Variants in ADPRHL1 observed in about 807,000 individuals in gnomAD.
ADPRHL1 encodes the protein inactive ADP-ribosyltransferase ARH2.
Under a neutral mutation model 44.1 loss-of-function variants are expected in ADPRHL1, and 43 were observed. That is an observed-to-expected ratio of 0.98 (90% CI 0.76 to 1.26). The LOEUF is 1.26. Ranked by LOEUF, ADPRHL1 falls within the 50% of genes most tolerant of loss-of-function variation. The pLI is 0.00. For missense variants in ADPRHL1, 2,022 were observed against 2,496.9 expected (o/e 0.81, Z 4.05); for synonymous variants, 878 against 1,017.4 (o/e 0.86, Z 2.61).
chr13:113,405,071 G>A lies in ADPRHL1; in HGVS notation c.4211C>T (p.Ser1404Leu), dbSNP rs960703899. Residue 1404 changes from serine to leucine, a missense_variant, in exon 8 of 8, where the codon TCG becomes TTG. Ser to Leu is a moderately radical substitution (Grantham distance 145, BLOSUM62 -2). This residue lies in a region of ADPRHL1 where 1,221 missense variants were observed against 1,517.8 expected (regional missense o/e 0.80). Transcript: ENST00000612156. ...TTTTGCTGGGTTCAGCACAACCTTCGAGCCCGACGGCGCCACCCTCTTCCC... is the reference window on the plus strand; with the variant it reads ...TTTTGCTGGGTTCAGCACAACCTTCAAGCCCGACGGCGCCACCCTCTTCCC... ...DAGKRVAPSG[S>L]KVVLNPAKEP... is the part of the protein sequence containing the mutation. The A allele has an allele frequency of 9.5e-5, 117 of 1,232,044 alleles. No homozygotes were observed. The highest frequency in any genetic ancestry group is 1.3e-4 in the Admixed American group (3 of 23,706). 76.3% of individuals were successfully genotyped at this position (1,232,044 alleles called of 1,614,324 possible). A position where few individuals can be genotyped will look rare whatever the true frequency, so the allele number is the denominator to read the frequency against.
chr13:113,437,423 G>A (rs1400710044), intron 2 of ADPRHL1, among the ~76,000 whole-genome samples: 1 of 152,198 alleles, frequency 6.6e-6, no homozygotes, highest in Non-Finnish European at 1.5e-5. Flanking sequence ...CCCAGGTGCA[G>A]AGTGAATGCC....
At position 113,407,718 on chromosome 13, in the gene ADPRHL1, C is replaced by T. The variant is rs1011219260; in HGVS notation, c.1564G>A (p.Ala522Thr). 2.4e-6 allele frequency: 3 copies of T among 1,231,974 alleles called. No individual in the cohort carries two copies. The African/African-American group carries it at 4.7e-5, about 19-fold the overall frequency. 76.3% of individuals were successfully genotyped at this position (1,231,974 alleles called of 1,614,324 possible). A position where few individuals can be genotyped will look rare whatever the true frequency, so the allele number is the denominator to read the frequency against. Reference sequence around the variant, plus strand: ...CGCTCCACAGGGGGCTTCTCGCGTGCTTCTTTCTCCTTCGCCTCCTTCTCC... The same window carrying T: ...CGCTCCACAGGGGGCTTCTCGCGTGTTTCTTTCTCCTTCGCCTCCTTCTCC... Reference protein sequence around the residue: ...AEEKEAKEKEAREKPPVERPK... With the variant: ...AEEKEAKEKETREKPPVERPK... The change falls in exon 8 of 8, where the codon GCA (alanine) becomes ACA (threonine). Residue 522 changes from alanine (A) to threonine (T), a missense_variant. Ala to Thr is a moderately conservative substitution (Grantham distance 58, BLOSUM62 0). This residue lies in a region of ADPRHL1 where 1,221 missense variants were observed against 1,517.8 expected (regional missense o/e 0.80). Coordinates refer to ENST00000612156, the MANE Select transcript of ADPRHL1 (RefSeq NM_001394807.1).
At position 113,404,566 on chromosome 13, in the gene ADPRHL1, AGCTGGTTCCTGTGCCTGCCCCTGG is replaced by A. The variant is rs1295883008; in HGVS notation, c.4692_4715del (p.Gln1567_Gly1574del). 9.3e-6 allele frequency: 12 copies of A among 1,292,800 alleles called. No individual in the cohort carries two copies. Among genetic ancestry groups the A allele is most frequent in the Non-Finnish European group, 1.2e-5 (12 of 1,025,266 alleles). 80.1% of individuals were successfully genotyped at this position (1,292,800 alleles called of 1,614,324 possible). ...GAACCTGTCCCTGGGCCCCACCCTG[AGCTGGTTCCTGTGCCTGCCCCTGG>A]GCCTCTATCTGGGTCTGCCACTGGG... is the stretch of plus-strand genomic sequence containing the variant. On this transcript the variant is annotated inframe_deletion, in exon 8 of 8. Coordinates refer to ENST00000612156, the MANE Select transcript of ADPRHL1 (RefSeq NM_001394807.1).
chr13:113,449,028 A>T (rs1287965706), intron 1 of ADPRHL1: 2 of 986,524 alleles, frequency 2.0e-6, no homozygotes, highest in Non-Finnish European at 2.4e-6. Flanking sequence ...TGACTTGGTG[A>T]TAATGCGCTG....
chr13:113,419,025 T>C, intron 7 of ADPRHL1, among the ~76,000 whole-genome samples: 1 of 151,248 alleles, frequency 6.6e-6, no homozygotes, highest in Non-Finnish European at 1.5e-5. Context: ...CCTTCCTTTC[T>C]TCCCCTTCCC....
chr13:113,423,256 CA>C (rs72092761), intron 6 of ADPRHL1, among the ~76,000 whole-genome samples: 50,918 of 149,006 alleles, frequency 0.34, 10,057 homozygotes, highest in East Asian at 0.69. Context: ...GATCCTGTCT[CA>C]AAAAAAAAAC....
chr13:113,452,915 CAG>C (rs1197140015), intron 1 of ADPRHL1, among the ~76,000 whole-genome samples: 5 of 152,216 alleles, frequency 3.3e-5, no homozygotes, highest in Non-Finnish European at 5.9e-5. Context: ...CTATTAGAAA[CAG>C]AAGGTGCTAG....
intron 2 of ADPRHL1, among the ~76,000 whole-genome samples, chr13:113,440,167 A>G (rs140706467): frequency 6.6e-6 from 1 of 152,304 alleles, no homozygotes; most frequent in Admixed American, 6.5e-5. Flanking sequence ...GTGAAAATGA[A>G]AGCCAATGGC....
intron 1 of ADPRHL1, among the ~76,000 whole-genome samples, chr13:113,452,253 C>T (rs1208146632): frequency 2.0e-5 from 3 of 152,168 alleles, no homozygotes; most frequent in African/African-American, 4.8e-5. Context: ...TGTGAACAGT[C>T]GGACGCCTCC....
At chr13:113,422,769 T>C in intron 7 of ADPRHL1, 57 bp downstream of exon 7, 1 of 1,604,756 alleles carries the variant, frequency 6.2e-7, no homozygotes, top group Admixed American at 1.7e-5. Context: ...GAGAGGGCCC[T>C]ACGGGCCCCG....
At chr13:113,419,381 T>C (rs542346574) in intron 7 of ADPRHL1, among the ~76,000 whole-genome samples, 1 of 148,420 alleles carries the variant, frequency 6.7e-6, no homozygotes, top group Non-Finnish European at 1.5e-5. Flanking sequence ...CCTCCCAAAG[T>C]GCTGGGATTA....
At chr13:113,444,630 G>T (rs1454464569) in intron 1 of ADPRHL1, 41 bp from the exon 2 acceptor site, 2 of 1,597,372 alleles carry the variant, frequency 1.3e-6, no homozygotes, top group East Asian at 4.5e-5. Flanking sequence ...GCCAGCTGTG[G>T]TGTGAACTGT....
intron 4 of ADPRHL1, among the ~76,000 whole-genome samples, chr13:113,426,668 G>A (rs1182840885): frequency 1.3e-5 from 2 of 152,208 alleles, no homozygotes; most frequent in Non-Finnish European, 2.9e-5. Context: ...CTTGTTCAGC[G>A]ACATGAAATT....
rs142252326 is a variant in ADPRHL1, at chr13:113,448,224, G to C, written c.215-3635C>G. On this transcript the variant is annotated intron_variant, in intron 1 of 7. Coordinates refer to ENST00000612156, the MANE Select transcript of ADPRHL1 (RefSeq NM_001394807.1). ...AAAGCTGCCTGAGGGGCCGGGTGCA[G>C]TGGCTCACACCTGTAATCCCAGCAC... 1.8e-3 allele frequency among the ~76,000 whole-genome samples: 267 copies of C among 152,160 alleles called. 2 individuals are homozygous for C. The highest frequency in any genetic ancestry group is 3.5e-3 in the Non-Finnish European group (237 of 67,994).
At position 113,407,407 on chromosome 13, in the gene ADPRHL1, G is replaced by A. The variant is rs1366769314; in HGVS notation, c.1875C>T (p.Thr625=). The change falls in exon 8 of 8, where the codon ACC becomes ACT. Residue 625 remains threonine, a synonymous_variant. Coordinates refer to ENST00000612156, the MANE Select transcript of ADPRHL1 (RefSeq NM_001394807.1). ...GCCAGCTCCTGGGGCCACAGACGACGGTGGCGATGCTGAGGGCCGGCAGGG... is the reference window on the plus strand; with the variant it reads ...GCCAGCTCCTGGGGCCACAGACGACAGTGGCGATGCTGAGGGCCGGCAGGG... The part of the protein sequence containing the change: ...AEPLPALSIA[T]VVCGPRSWLS... 1.9e-5 allele frequency: 23 copies of A among 1,231,798 alleles called. No individual in the cohort carries two copies. Among genetic ancestry groups the A allele is most frequent in the African/African-American group, 3.1e-5 (2 of 64,422 alleles). 76.3% of individuals were successfully genotyped at this position (1,231,798 alleles called of 1,614,324 possible).
At chr13:113,425,815 C>CAACT (rs1470183023) in intron 4 of ADPRHL1, among the ~76,000 whole-genome samples, 1 of 151,298 alleles carries the variant, frequency 6.6e-6, no homozygotes, top group African/African-American at 2.4e-5. Flanking sequence ...TGAGTAGCTG[C>CAACT]AACTACAGGC....
intron 4 of ADPRHL1, among the ~76,000 whole-genome samples, chr13:113,425,713 C>G (rs2043963854): frequency 7.3e-6 from 1 of 137,716 alleles, no homozygotes; most frequent in Non-Finnish European, 1.5e-5. Context: ...CGGAGTCTCT[C>G]TCTGTTGCCC....
At position 113,407,107 on chromosome 13, in the gene ADPRHL1, G is replaced by T. The variant is rs1250053395; in HGVS notation, c.2175C>A (p.Ser725=). The part of the protein sequence containing the change: ...GVLPGLVPAS[S]PLGPASPWGT... ...CCCAAGGGCTGGCCGGTCCCAGTGG[G>T]GATGATGCAGGCACAAGGCCAGGAA... is the stretch of plus-strand genomic sequence containing the variant. The change falls in exon 8 of 8, where the codon TCC becomes TCA. Residue 725 remains serine (S), a synonymous_variant. Transcript: ENST00000612156. 3.2e-6 allele frequency: 4 copies of T among 1,232,192 alleles called. No homozygotes were observed. In the African/African-American group the frequency reaches 4.7e-5, roughly 14 times the overall value. The allele number at this position is 1,232,192 out of a possible 1,614,324, so 76.3% of individuals were successfully genotyped here. A position where few individuals can be genotyped will look rare whatever the true frequency, so the allele number is the denominator to read the frequency against.
At chr13:113,419,527 A>G (rs1165884884) in intron 7 of ADPRHL1, among the ~76,000 whole-genome samples, 1 of 152,192 alleles carries the variant, frequency 6.6e-6, no homozygotes, top group African/African-American at 2.4e-5. Flanking sequence ...AAATACAAAA[A>G]TGAATCCTAG....
Sources: allele counts gnomAD v4.1 joint callset (sites outside exome capture counted in the v4.1 genomes callset), GRCh38; gene constraint gnomAD v4.1.1; regional missense constraint gnomAD v4.1.1; transcripts MANE v1.5; gene names NCBI Gene and HGNC (gene_info 2026-07-23, HGNC 2026-07-21).